Variants in THSD7A observed in about 807,000 individuals in gnomAD.
The protein encoded by THSD7A is thrombospondin type 1 domain containing 7A, also known as thrombospondin type-1 domain-containing protein 7A.
THSD7A carries 96 observed loss-of-function variants against 231.3 expected under a neutral mutation model. The observed-to-expected ratio is 0.41, with a 90% CI of 0.35 to 0.49. THSD7A has a LOEUF of 0.49. THSD7A is among the 20% of genes least tolerant of loss of function. The pLI, the probability that THSD7A is intolerant of heterozygous loss-of-function variation, is 0.05. For missense variants in THSD7A, 2,290 were observed against 2,070.2 expected, an observed-to-expected ratio of 1.11 and a Z score of -2.06; for synonymous variants, 940 against 743.3, an observed-to-expected ratio of 1.26 and a Z score of -4.30.
chr7:11,652,032 T>A (rs1470999082), intron 1 of THSD7A, among the ~76,000 whole-genome samples: 1 of 151,988 alleles, frequency 6.6e-6, no homozygotes, highest in Middle Eastern at 3.2e-3. Context: ...TCTAGAAGCA[T>A]ATTTTATTCC....
rs527920147 is a variant in THSD7A, at chr7:11,372,733, A to G, written c.*3061T>C. 1.6e-4 allele frequency: 24 copies of G among 152,046 alleles called. No individual in the cohort carries two copies. Among genetic ancestry groups the G allele is most frequent in the Non-Finnish European group, 2.8e-4 (19 of 67,980 alleles). The allele number at this position is 152,046 out of a possible 1,614,324, so 9.4% of individuals were successfully genotyped here. A position where few individuals can be genotyped will look rare whatever the true frequency, so the allele number is the denominator to read the frequency against. ...CATCTTTTACCCCCTCGGTGAGGTA[A>G]AAGTGTCAATAGAGAAGTTACTACT... On this transcript the variant is annotated 3_prime_UTR_variant, in exon 28 of 28. Coordinates refer to ENST00000423059, the MANE Select transcript of THSD7A (RefSeq NM_015204.3).
rs536113354 is a variant in THSD7A, at chr7:11,759,442, G to A, written c.190+72315C>T. Among the ~76,000 whole-genome samples the A allele has an allele frequency of 3.9e-5, 6 of 152,158 alleles. No homozygotes were observed. In the South Asian group the frequency reaches 1.0e-3, roughly 26 times the overall value. On this transcript the variant is annotated intron_variant, in intron 1 of 27. Transcript: ENST00000423059. The stretch of plus-strand genomic sequence containing the variant: ...TTAATCTGTAGAAATCATTCACAGT[G>A]TGGCACACAGACATATGAATATGTG...
Position 11,539,562 on chromosome 7 carries a change from C to A in THSD7A, c.1822+1857G>T, listed in dbSNP as rs111235336. Among the ~76,000 whole-genome samples the A allele has an allele frequency of 2.0e-3, 310 of 152,338 alleles. 2 individuals carry two copies. The highest frequency in any genetic ancestry group is 6.8e-3 in the Middle Eastern group (2 of 294). ...AACATACATTGCCAGTACAACTACA[C>A]ACATCTAAGTCATACCTCTGCTTGT... On this transcript the variant is annotated intron_variant, in intron 6 of 27. Coordinates refer to ENST00000423059, the MANE Select transcript of THSD7A (RefSeq NM_015204.3).
chr7:11,817,682 C>G (rs967313465), intron 1 of THSD7A, among the ~76,000 whole-genome samples: 3 of 152,188 alleles, frequency 2.0e-5, no homozygotes, highest in African/African-American at 7.2e-5. Context: ...TTGTGCCAGG[C>G]ACCATCTAAG....
chr7:11,732,384 T>G (rs781040852), intron 1 of THSD7A, among the ~76,000 whole-genome samples: 3 of 151,868 alleles, frequency 2.0e-5, no homozygotes, highest in Non-Finnish European at 4.4e-5. Flanking sequence ...TGTGGCATAC[T>G]GCCGGACGCA....
chr7:11,586,711 C>A (rs1173520747), intron 4 of THSD7A, among the ~76,000 whole-genome samples: 1 of 152,208 alleles, frequency 6.6e-6, no homozygotes, highest in South Asian at 2.1e-4. Flanking sequence ...TTCCATTTAG[C>A]AATGGTGTGA....
intron 2 of THSD7A, among the ~76,000 whole-genome samples, chr7:11,598,850 G>A (rs1780455782): frequency 1.3e-5 from 2 of 152,084 alleles, no homozygotes; most frequent in East Asian, 1.9e-4. Flanking sequence ...TAGTTCCAGA[G>A]ACAGGAATGC....
intron 1 of THSD7A, among the ~76,000 whole-genome samples, chr7:11,726,895 TC>T (rs1319182829): frequency 6.6e-6 from 1 of 151,778 alleles, no homozygotes; most frequent in Non-Finnish European, 1.5e-5. Context: ...TAAGAATAAT[TC>T]CTCAGGTCCT....
chr7:11,719,561 T>G (rs903118969), intron 1 of THSD7A, among the ~76,000 whole-genome samples: 1 of 151,712 alleles, frequency 6.6e-6, no homozygotes, highest in Non-Finnish European at 1.5e-5. Flanking sequence ...CATGTCCACA[T>G]GCAACACATG....
chr7:11,600,894 GGAA>G (rs1442358175), intron 2 of THSD7A, among the ~76,000 whole-genome samples: 3 of 152,162 alleles, frequency 2.0e-5, no homozygotes, highest in East Asian at 3.9e-4. Context: ...GAGGGGTCTG[GGAA>G]GAAGATCATC....
intron 22 of THSD7A, among the ~76,000 whole-genome samples, chr7:11,403,367 A>G (rs1256389931): frequency 6.6e-6 from 1 of 152,218 alleles, no homozygotes; most frequent in Non-Finnish European, 1.5e-5. Flanking sequence ...GGCCTTTATT[A>G]AAGAATGTAA....
At chr7:11,824,491 G>A (rs775413194) in intron 1 of THSD7A, among the ~76,000 whole-genome samples, 4 of 152,008 alleles carry the variant, frequency 2.6e-5, no homozygotes, top group Non-Finnish European at 4.4e-5. Flanking sequence ...TCTAGATTAC[G>A]TGCCATCCTA....
intron 1 of THSD7A, among the ~76,000 whole-genome samples, chr7:11,662,498 T>TA (rs1262024855): frequency 6.6e-6 from 1 of 151,278 alleles, no homozygotes; most frequent in African/African-American, 2.4e-5. Flanking sequence ...CTAATAGAAG[T>TA]AAAGAAATAT....
intron 1 of THSD7A, among the ~76,000 whole-genome samples, chr7:11,777,916 G>A (rs1040590376): frequency 3.3e-5 from 5 of 151,250 alleles, no homozygotes; most frequent in African/African-American, 1.2e-4. Flanking sequence ...TTGGGAGGCC[G>A]AGGCGGGCGG....
intron 6 of THSD7A, among the ~76,000 whole-genome samples, chr7:11,501,975 T>C (rs892673577): frequency 6.6e-6 from 1 of 151,988 alleles, no homozygotes; most frequent in Admixed American, 6.6e-5. Flanking sequence ...AATATAAGTA[T>C]GACCATCAGA....
chr7:11,375,246 C>A lies in THSD7A; in HGVS notation c.*548G>T, dbSNP rs1424389432. On this transcript the variant is annotated 3_prime_UTR_variant, in exon 28 of 28. Coordinates refer to ENST00000423059, the MANE Select transcript of THSD7A (RefSeq NM_015204.3). Reference sequence around the variant, plus strand: ...GTCAATAAAATCTACCATCGACCACCAAGATGCTGAATTTATTCAGTGGAT... The same window carrying A: ...GTCAATAAAATCTACCATCGACCACAAAGATGCTGAATTTATTCAGTGGAT... 2 of 151,930 alleles carry A rather than the reference C, an allele frequency of 1.3e-5. No individual in the cohort carries two copies. The highest frequency in any genetic ancestry group is 6.6e-5 in the Admixed American group (1 of 15,222). The allele number at this position is 151,930 out of a possible 1,614,324, so 9.4% of individuals were successfully genotyped here.
chr7:11,502,741 G>A (rs1196095516), intron 6 of THSD7A, among the ~76,000 whole-genome samples: 2 of 152,064 alleles, frequency 1.3e-5, no homozygotes. Flanking sequence ...TAGGAATACA[G>A]CCAACTAGAA....
intron 1 of THSD7A, among the ~76,000 whole-genome samples, chr7:11,775,756 G>A (rs552000610): frequency 1.8e-4 from 27 of 152,124 alleles, no homozygotes; most frequent in African/African-American, 6.5e-4. Context: ...TCTGAAGATG[G>A]ATGGTGTTGC....
At chr7:11,379,977 C>T (rs1436762958) in intron 24 of THSD7A, among the ~76,000 whole-genome samples, 3 of 152,114 alleles carry the variant, frequency 2.0e-5, no homozygotes, top group African/African-American at 7.2e-5. Context: ...TTTATAGCTG[C>T]TATTTTGAAA....
Sources: gnomAD v4.1 joint callset for allele counts (sites outside exome capture counted in the v4.1 genomes callset) on GRCh38, gnomAD v4.1.1 for gene constraint, MANE v1.5 for transcripts, NCBI Gene and HGNC (gene_info 2026-07-23, HGNC 2026-07-21) for gene names.